The following FGF14 variants were observed in gnomAD, a reference collection of about 807,000 sequenced individuals.
FGF14 encodes the protein fibroblast growth factor 14, also known as fibroblast growth factor homologous factor 4.
Under a neutral mutation model 25.5 loss-of-function variants are expected in FGF14, and 5 were observed. The observed-to-expected ratio is 0.20, with a 90% CI of 0.10 to 0.41. The LOEUF is 0.41. Among genes scored for constraint, FGF14 ranks in the 10% least tolerant of loss-of-function variants. FGF14 has a pLI of 1.00. For synonymous variants in FGF14, 138 were observed against 118.3 expected (o/e 1.17, Z -1.08); for missense variants, 222 against 320.1 (o/e 0.69, Z 2.34).
chr13:102,054,068 A>C (rs879387587), intron 1 of FGF14, among the ~76,000 whole-genome samples: 3 of 152,294 alleles, frequency 2.0e-5, no homozygotes, highest in East Asian at 1.9e-4. Context: ...ATGGACATTT[A>C]CTTATAGATT....
At chr13:102,267,591 G>A (rs941327252) in intron 1 of FGF14, among the ~76,000 whole-genome samples, 3 of 152,096 alleles carry the variant, frequency 2.0e-5, no homozygotes, top group African/African-American at 7.2e-5. Context: ...ATATGGCTAT[G>A]TGTAGAGAGA....
chr13:102,046,761 T>C lies in FGF14; in HGVS notation c.209-171465A>G, dbSNP rs1021311867. ...GATAGATGAAAAGCCCTAACATCTT[T>C]TCTACCATTAGCAAGGGATGATTTT... On this transcript the variant is annotated intron_variant, in intron 1 of 4. Transcript: ENST00000376131. 5.3e-5 allele frequency among the ~76,000 whole-genome samples: 8 copies of C among 152,212 alleles called. No individual in the cohort carries two copies. The East Asian group carries it at 1.5e-3, about 29-fold the overall frequency.
intron 1 of FGF14, among the ~76,000 whole-genome samples, chr13:102,027,835 C>T (rs2041009625): frequency 6.6e-6 from 1 of 151,982 alleles, no homozygotes; most frequent in Admixed American, 6.6e-5. Context: ...TCTAGGCTAA[C>T]CTGCAGGTGT....
intron 1 of FGF14, among the ~76,000 whole-genome samples, chr13:102,384,643 A>G (rs1434792857): frequency 2.0e-5 from 3 of 152,200 alleles, no homozygotes; most frequent in Non-Finnish European, 4.4e-5. Flanking sequence ...AGATTACTCT[A>G]TGATATTACT....
intron 3 of FGF14, among the ~76,000 whole-genome samples, chr13:101,822,302 A>G (rs1425434855): frequency 6.6e-6 from 1 of 152,172 alleles, no homozygotes; most frequent in Non-Finnish European, 1.5e-5. Flanking sequence ...AGACTTTACC[A>G]TAATTCAGGA....
At chr13:101,908,395 T>C (rs916282297) in intron 1 of FGF14, among the ~76,000 whole-genome samples, 36 of 152,308 alleles carry the variant, frequency 2.4e-4, no homozygotes, top group African/African-American at 7.9e-4. Context: ...ATTAGTGTAT[T>C]ATCGATTACT....
At chr13:102,030,024 C>A (rs1295057336) in intron 1 of FGF14, among the ~76,000 whole-genome samples, 1 of 152,002 alleles carries the variant, frequency 6.6e-6, no homozygotes, top group African/African-American at 2.4e-5. Context: ...ACGGACTCCT[C>A]TTTTTAGGAG....
At chr13:101,789,151 C>T (rs970987589) in intron 3 of FGF14, among the ~76,000 whole-genome samples, 1 of 151,754 alleles carries the variant, frequency 6.6e-6, no homozygotes, top group Non-Finnish European at 1.5e-5. Context: ...TGTACTTGAA[C>T]ATGTGTAAGA....
At chr13:102,327,856 A>G (rs909235476) in intron 1 of FGF14, among the ~76,000 whole-genome samples, 1 of 141,400 alleles carries the variant, frequency 7.1e-6, no homozygotes, top group Non-Finnish European at 1.5e-5. Context: ...AACAAAAAAC[A>G]AACAAAAAAA....
intron 3 of FGF14, among the ~76,000 whole-genome samples, chr13:101,849,898 T>C (rs1022978160): frequency 1.3e-5 from 2 of 151,940 alleles, no homozygotes; most frequent in Non-Finnish European, 2.9e-5. Flanking sequence ...TCCACCATCA[T>C]GAAAGGAAGA....
chr13:102,091,818 G>A (rs746457097), intron 1 of FGF14, among the ~76,000 whole-genome samples: 5 of 152,080 alleles, frequency 3.3e-5, no homozygotes, highest in Non-Finnish European at 7.4e-5. Flanking sequence ...TAAGTTACCA[G>A]CTGACAACTT....
Position 102,179,136 on chromosome 13 carries a change from G to A in FGF14, c.208+222335C>T, listed in dbSNP as rs180765477. 1.7e-4 allele frequency among the ~76,000 whole-genome samples: 26 copies of A among 152,256 alleles called. No homozygotes were observed. The East Asian group carries it at 4.6e-3, about 27-fold the overall frequency. On this transcript the variant is annotated intron_variant, in intron 1 of 4. Transcript: ENST00000376131. The stretch of plus-strand genomic sequence containing the variant: ...AGACCAAACAGCAGAGAAGCGAGTC[G>A]TAACAGGAAGTCTCCACTTTTTCTT...
At chr13:101,776,951 C>A (rs2039152599) in intron 3 of FGF14, among the ~76,000 whole-genome samples, 1 of 152,154 alleles carries the variant, frequency 6.6e-6, no homozygotes, top group Non-Finnish European at 1.5e-5. Flanking sequence ...GTCTCTCAGG[C>A]CTTTTTTAAA....
rs181706494 is a variant in FGF14 at position 101,958,552 on chromosome 13, G to T, written c.209-83256C>A. On this transcript the variant is annotated intron_variant, in intron 1 of 4. Transcript: ENST00000376131. Reference sequence around the variant, plus strand: ...CTTGTGTTCTCTCTACACTCCACTTGCTGCTCTTCAAAGCACAATAAAGTC... The same window carrying T: ...CTTGTGTTCTCTCTACACTCCACTTTCTGCTCTTCAAAGCACAATAAAGTC... 4.6e-5 allele frequency among the ~76,000 whole-genome samples: 7 copies of T among 152,252 alleles called. No homozygotes were observed. In the East Asian group the frequency reaches 5.8e-4, roughly 13 times the overall value.
At chr13:101,768,026 A>G (rs1034360642) in intron 3 of FGF14, among the ~76,000 whole-genome samples, 7 of 152,172 alleles carry the variant, frequency 4.6e-5, no homozygotes, top group Non-Finnish European at 1.0e-4. Flanking sequence ...TAGAGTAGGC[A>G]TTATTGTTTC....
chr13:101,850,792 A>T lies in FGF14; in HGVS notation c.408+17933T>A, dbSNP rs534784147. 1.9e-3 allele frequency among the ~76,000 whole-genome samples: 292 copies of T among 150,728 alleles called. 1 individual carries two copies. The highest frequency in any genetic ancestry group is 6.3e-3 in the African/African-American group (260 of 41,150). ...CTATTGCCCAATAGATTTTTGCTCA[A>T]TCTGAAATGCTAGAAGTCATGAGAA... On this transcript the variant is annotated intron_variant, in intron 3 of 4. Transcript: ENST00000376143.
At chr13:102,016,935 A>G (rs2040378131) in intron 1 of FGF14, 1 of 153,994 alleles carries the variant, frequency 6.5e-6, no homozygotes, top group African/African-American at 2.4e-5. Flanking sequence ...TAGACAAGCT[A>G]GGACAGTATA....
chr13:102,394,307 C>A (rs1293063213), intron 1 of FGF14: 1 of 152,438 alleles, frequency 6.6e-6, no homozygotes, highest in Non-Finnish European at 1.5e-5. Flanking sequence ...TCCCTCAGGT[C>A]CAGCAGTGCA....
At chr13:102,065,412 T>G (rs1412994893) in intron 1 of FGF14, among the ~76,000 whole-genome samples, 5 of 152,082 alleles carry the variant, frequency 3.3e-5, no homozygotes, top group African/African-American at 1.2e-4. Context: ...TCTTTGAGTA[T>G]ACAATGACAC....
Sources: gnomAD v4.1 joint callset for allele counts (sites outside exome capture counted in the v4.1 genomes callset) on GRCh38, gnomAD v4.1.1 for gene constraint, MANE v1.5 for transcripts, NCBI Gene and HGNC (gene_info 2026-07-23, HGNC 2026-07-21) for gene names.